SLC35F4: variants seen among roughly 807,000 people sequenced by gnomAD.
SLC35F4 encodes the protein chromosome 14 open reading frame 36.
A neutral mutation model predicts 44.2 loss-of-function variants in SLC35F4; 24 were observed. That is an observed-to-expected ratio of 0.54 (90% CI 0.39 to 0.76). The LOEUF is 0.76. SLC35F4 is among the 30% of genes least tolerant of loss of function. The pLI is 0.00. For missense variants in SLC35F4, 562 were observed against 586.1 expected, an observed-to-expected ratio of 0.96 and a Z score of 0.42; for synonymous variants, 238 against 223.6, an observed-to-expected ratio of 1.06 and a Z score of -0.57.
At chr14:57,685,337 T>C (rs1455828538) in intron 1 of SLC35F4, among the ~76,000 whole-genome samples, 2 of 152,110 alleles carry the variant, frequency 1.3e-5, no homozygotes, top group African/African-American at 2.4e-5. Context: ...GACTTCACCA[T>C]CAGATGGTAG....
rs74994950 is a variant in SLC35F4, at chr14:57,803,006, A to AAAAG, written c.103+62716_103+62717insCTTT. Among the ~76,000 whole-genome samples, 1,347 of 135,958 alleles carry AAAAG rather than the reference A, an allele frequency of 9.9e-3. 40 individuals are homozygous for AAAAG. The highest frequency in any genetic ancestry group is 0.025 in the African/African-American group (799 of 31,894). 89.2% of individuals were successfully genotyped at this position (135,958 alleles called of 152,430 possible). ...ATACCAAAAAAAAAAAAAAAAAAAA[A>AAAAG]GAAATTGCAGGCCAATATCCTTGAT... On this transcript the variant is annotated intron_variant, in intron 1 of 7. Transcript: ENST00000556826.
intron 1 of SLC35F4, among the ~76,000 whole-genome samples, chr14:57,808,507 T>A (rs555648600): frequency 1.3e-5 from 2 of 152,006 alleles, no homozygotes; most frequent in African/African-American, 2.4e-5. Context: ...TAATGATTAT[T>A]TGATAACAAA....
chr14:57,610,159 G>A (rs1047007305), intron 1 of SLC35F4, among the ~76,000 whole-genome samples: 4 of 152,148 alleles, frequency 2.6e-5, no homozygotes, highest in Non-Finnish European at 5.9e-5. Flanking sequence ...AGACCTTATG[G>A]ACTACAAAGA....
At chr14:57,564,512 A>G in intron 7 of SLC35F4, 136 bp from the exon 8 acceptor site, 1 of 1,271,706 alleles carries the variant, frequency 7.9e-7, no homozygotes, top group Non-Finnish European at 1.1e-6. Flanking sequence ...TCCTTTTTCC[A>G]CATTGCTAGG....
intron 4 of SLC35F4, among the ~76,000 whole-genome samples, chr14:57,573,613 T>C (rs984834236): frequency 5.9e-5 from 9 of 152,090 alleles, no homozygotes; most frequent in African/African-American, 1.9e-4. Context: ...ATACACACAG[T>C]GAGGGGGTTA....
chr14:57,846,837 A>T (rs2140975082), intron 1 of SLC35F4, among the ~76,000 whole-genome samples: 2 of 152,332 alleles, frequency 1.3e-5, no homozygotes, highest in Middle Eastern at 3.4e-3. Context: ...AGTACATACC[A>T]TAGGCCCCAG....
chr14:57,865,906 G>T lies in SLC35F4; in HGVS notation c.-81C>A. Reference sequence around the variant, plus strand: ...CCCGGGAGCTGGTGCAGGTGCCGGAGCCGCTGGTGCTGATCTTGCAGCTCC... The same window carrying T: ...CCCGGGAGCTGGTGCAGGTGCCGGATCCGCTGGTGCTGATCTTGCAGCTCC... On this transcript the variant is annotated 5_prime_UTR_variant, in exon 1 of 8. Coordinates refer to ENST00000556826, the MANE Select transcript of SLC35F4 (RefSeq NM_001306087.2). The T allele has an allele frequency of 2.1e-6, 2 of 957,762 alleles. No individual in the cohort carries two copies. Among genetic ancestry groups the T allele is most frequent in the Non-Finnish European group, 3.0e-6 (2 of 677,390 alleles). The allele number at this position is 957,762 out of a possible 1,614,324, so 59.3% of individuals were successfully genotyped here. A position where few individuals can be genotyped will look rare whatever the true frequency, so the allele number is the denominator to read the frequency against.
At chr14:57,698,531 T>G (rs2075446138) in intron 1 of SLC35F4, among the ~76,000 whole-genome samples, 1 of 152,166 alleles carries the variant, frequency 6.6e-6, no homozygotes, top group African/African-American at 2.4e-5. Flanking sequence ...AGATACATAC[T>G]TCTTGAGGTT....
intron 1 of SLC35F4, among the ~76,000 whole-genome samples, chr14:57,757,066 G>C (rs2077011694): frequency 6.6e-6 from 1 of 151,990 alleles, no homozygotes; most frequent in Admixed American, 6.6e-5. Flanking sequence ...CATGTATTTT[G>C]AAGTTCTATT....
chr14:57,689,024 A>T (rs2140325833), intron 1 of SLC35F4, among the ~76,000 whole-genome samples: 1 of 152,276 alleles, frequency 6.6e-6, no homozygotes, highest in East Asian at 1.9e-4. Context: ...TGCAATAAGA[A>T]ATCTCTTTAT....
At chr14:57,673,202 G>A (rs1402695135) in intron 1 of SLC35F4, among the ~76,000 whole-genome samples, 2 of 152,070 alleles carry the variant, frequency 1.3e-5, no homozygotes, top group Non-Finnish European at 2.9e-5. Context: ...CAACTAAAAA[G>A]CATTCAAGGA....
intron 1 of SLC35F4, among the ~76,000 whole-genome samples, chr14:57,788,193 G>T (rs2077816755): frequency 6.6e-6 from 1 of 152,052 alleles, no homozygotes; most frequent in South Asian, 2.1e-4. Context: ...AATGGTAAAA[G>T]GCCTTGTCCA....
At chr14:57,791,084 C>T (rs2077905765) in intron 1 of SLC35F4, among the ~76,000 whole-genome samples, 1 of 152,170 alleles carries the variant, frequency 6.6e-6, no homozygotes, top group Admixed American at 6.5e-5. Context: ...GCAAAGACTT[C>T]ATGACTAAAA....
intron 1 of SLC35F4, among the ~76,000 whole-genome samples, chr14:57,925,194 C>T (rs1388187655): frequency 6.6e-6 from 1 of 152,112 alleles, no homozygotes; most frequent in Admixed American, 6.6e-5. Flanking sequence ...TAGGCCCCAC[C>T]TCCTACACTG....
At chr14:57,584,987 T>G (rs952061514) in intron 3 of SLC35F4, among the ~76,000 whole-genome samples, 1 of 152,356 alleles carries the variant, frequency 6.6e-6, no homozygotes, top group South Asian at 2.1e-4. Flanking sequence ...CAATGCAAGA[T>G]CATGTCTATT....
At chr14:57,878,893 G>A (rs1888458108) in intron 1 of SLC35F4, among the ~76,000 whole-genome samples, 1 of 152,090 alleles carries the variant, frequency 6.6e-6, no homozygotes, top group African/African-American at 2.4e-5. Flanking sequence ...CTCCTTCAAG[G>A]AAGATCTATT....
At chr14:57,569,402 A>G (rs887217058) in intron 6 of SLC35F4, among the ~76,000 whole-genome samples, 3 of 152,216 alleles carry the variant, frequency 2.0e-5, no homozygotes, top group Middle Eastern at 3.4e-3. Flanking sequence ...ACCAGTTTGA[A>G]CCACTCTGAG....
intron 1 of SLC35F4, among the ~76,000 whole-genome samples, chr14:57,765,267 A>G (rs996201224): frequency 1.3e-5 from 2 of 152,186 alleles, no homozygotes; most frequent in Non-Finnish European, 2.9e-5. Flanking sequence ...ATTCTCTTGG[A>G]GAGATTAGAT....
At chr14:57,567,352 T>C (rs889450548) in intron 6 of SLC35F4, among the ~76,000 whole-genome samples, 18 of 152,172 alleles carry the variant, frequency 1.2e-4, no homozygotes, top group African/African-American at 4.1e-4. Flanking sequence ...GAGAGATGAG[T>C]GTTAACAATT....
Sources: allele counts gnomAD v4.1 joint callset (sites outside exome capture counted in the v4.1 genomes callset), GRCh38; gene constraint gnomAD v4.1.1; transcripts MANE v1.5; gene names NCBI Gene and HGNC (gene_info 2026-07-23, HGNC 2026-07-21).